Variants in GABRA3 observed in about 807,000 individuals in gnomAD.
The protein encoded by GABRA3 is gamma-aminobutyric acid type A receptor subunit alpha3.
A neutral mutation model predicts 30.1 loss-of-function variants in GABRA3; 10 were observed. The ratio of observed to expected loss-of-function variants is 0.33; its 90% CI spans 0.20 to 0.56. The LOEUF (loss-of-function observed/expected upper bound fraction) is 0.56. Ranked by LOEUF, GABRA3 falls within the 20% of genes least tolerant of loss-of-function variation. The pLI is 0.89. For missense variants in GABRA3, 233 were observed against 392.0 expected, an observed-to-expected ratio of 0.59 and a Z score of 3.42; for synonymous variants, 151 against 146.8, an observed-to-expected ratio of 1.03 and a Z score of -0.21.
chrX:152,267,222 G>A (rs1202372067), intron 4 of GABRA3, among the ~76,000 whole-genome samples: 2 of 111,824 alleles, frequency 1.8e-5, no homozygotes, highest in African/African-American at 6.5e-5. Flanking sequence ...CATCATAAAT[G>A]GATGTTGGAT....
intron 2 of GABRA3, among the ~76,000 whole-genome samples, chrX:152,361,808 G>T (rs766289830): frequency 3.6e-5 from 4 of 110,895 alleles, no homozygotes; most frequent in Non-Finnish European, 7.5e-5. Context: ...ATGACCAAAA[G>T]TCACAAAGAA....
intron 3 of GABRA3, among the ~76,000 whole-genome samples, chrX:152,302,005 G>T (rs1939640097): frequency 9.0e-6 from 1 of 111,353 alleles, no homozygotes; most frequent in Admixed American, 9.6e-5. Context: ...TGTGAAGATT[G>T]TAAGCCCTAT....
At chrX:152,348,633 T>C (rs769618793) in intron 2 of GABRA3, among the ~76,000 whole-genome samples, 2 of 111,338 alleles carry the variant, frequency 1.8e-5, no homozygotes, top group Non-Finnish European at 3.8e-5. Flanking sequence ...CTCTGGGATA[T>C]TGTGAGTTTG....
At chrX:152,230,222 A>G (rs1193919379) in intron 5 of GABRA3, among the ~76,000 whole-genome samples, 1 of 111,850 alleles carries the variant, frequency 8.9e-6, no homozygotes, top group Non-Finnish European at 1.9e-5. Context: ...CTTCAAGAGG[A>G]TAAATTGTAT....
At chrX:152,381,965 G>A (rs1188642860) in intron 1 of GABRA3, among the ~76,000 whole-genome samples, 7 of 111,550 alleles carry the variant, frequency 6.3e-5, no homozygotes, top group Non-Finnish European at 1.1e-4. Flanking sequence ...GGGCATTTGG[G>A]TTGGTTCCAA....
At chrX:152,337,508 C>T (rs1043580717) in intron 3 of GABRA3, among the ~76,000 whole-genome samples, 1 of 110,942 alleles carries the variant, frequency 9.0e-6, no homozygotes, top group African/African-American at 3.3e-5. Context: ...ACCTCCAGTT[C>T]CACCCATGTT....
intron 3 of GABRA3, among the ~76,000 whole-genome samples, chrX:152,326,402 A>G (rs1417741291): frequency 1.8e-5 from 2 of 111,324 alleles, no homozygotes; most frequent in African/African-American, 3.3e-5. Context: ...CACATAATTG[A>G]CAGATTCACC....
intron 1 of GABRA3, among the ~76,000 whole-genome samples, chrX:152,374,284 G>A (rs1037004553): frequency 9.2e-6 from 1 of 108,813 alleles, no homozygotes; most frequent in South Asian, 4.0e-4. Flanking sequence ...TTTTGTTGTG[G>A]AGGAGCTCTT....
intron 2 of GABRA3, among the ~76,000 whole-genome samples, chrX:152,350,715 G>C (rs923177353): frequency 3.6e-5 from 4 of 111,583 alleles, no homozygotes; most frequent in African/African-American, 9.8e-5. Flanking sequence ...CTGATATCCA[G>C]AAAGGTGAAT....
chrX:152,193,991 G>A (rs1294029101), intron 8 of GABRA3, among the ~76,000 whole-genome samples: 1 of 111,720 alleles, frequency 9.0e-6, no homozygotes, highest in African/African-American at 3.3e-5. Flanking sequence ...GGTGAGACCC[G>A]CCTCAAAAAA....
At position 152,315,165 on chromosome X, in the gene GABRA3, G is replaced by A. The variant is rs73623063; in HGVS notation, c.262+30416C>T. 5.6e-3 allele frequency among the ~76,000 whole-genome samples: 617 copies of A among 111,044 alleles called. 6 individuals are homozygous for A. The highest frequency in any genetic ancestry group is 0.02 in the African/African-American group (602 of 30,489). On this transcript the variant is annotated intron_variant, in intron 3 of 9. Transcript: ENST00000370314. Reference sequence around the variant, plus strand: ...CTCCTGCAGGACCCGGGAGACAGCCGGAATACTGTTAGTGCCCAAACTGTG... The same window carrying A: ...CTCCTGCAGGACCCGGGAGACAGCCAGAATACTGTTAGTGCCCAAACTGTG...
At chrX:152,442,785 A>C (rs991161381) in intron 1 of GABRA3, among the ~76,000 whole-genome samples, 8 of 112,251 alleles carry the variant, frequency 7.1e-5, no homozygotes, top group Non-Finnish European at 1.3e-4. Flanking sequence ...GGAATGAATG[A>C]ATTATTCAGT....
chrX:152,236,920 G>T (rs1411850072), intron 5 of GABRA3, among the ~76,000 whole-genome samples: 7 of 104,173 alleles, frequency 6.7e-5, no homozygotes, highest in African/African-American at 2.5e-4. Context: ...AGTAGGTTGC[G>T]AAAATTTTCT....
intron 3 of GABRA3, among the ~76,000 whole-genome samples, chrX:152,336,245 C>T (rs1433455677): frequency 9.1e-6 from 1 of 110,231 alleles, no homozygotes; most frequent in East Asian, 2.9e-4. Context: ...ATAACAATGG[C>T]TCCAGGAGAG....
At chrX:152,175,109 C>T (rs186465649) in intron 9 of GABRA3, among the ~76,000 whole-genome samples, 1 of 111,871 alleles carries the variant, frequency 8.9e-6, no homozygotes, top group East Asian at 2.8e-4. Context: ...TGTAGACATG[C>T]CTGGCTAATT....
At chrX:152,297,507 T>G (rs1014902989) in intron 3 of GABRA3, among the ~76,000 whole-genome samples, 1 of 111,637 alleles carries the variant, frequency 9.0e-6, no homozygotes, top group Non-Finnish European at 1.9e-5. Context: ...AACTCTCCTT[T>G]TGCTTTTTCC....
intron 1 of GABRA3, among the ~76,000 whole-genome samples, chrX:152,420,637 G>A (rs1930350598): frequency 9.0e-6 from 1 of 110,753 alleles, no homozygotes; most frequent in Admixed American, 9.6e-5. Context: ...CAAATTCCAA[G>A]AGGTCCTTTA....
At chrX:152,406,184 C>G (rs1219158312) in intron 1 of GABRA3, among the ~76,000 whole-genome samples, 2 of 110,311 alleles carry the variant, frequency 1.8e-5, no homozygotes, top group African/African-American at 6.6e-5. Context: ...ACCAACAAAA[C>G]AACCAGAAAA....
chrX:152,358,363 G>C (rs1234053676), intron 2 of GABRA3, among the ~76,000 whole-genome samples: 1 of 111,284 alleles, frequency 9.0e-6, no homozygotes, highest in Non-Finnish European at 1.9e-5. Context: ...GGATGTTGTT[G>C]GTGTATGATG....
Sources: gnomAD v4.1 joint callset for allele counts (sites outside exome capture counted in the v4.1 genomes callset) on GRCh38, gnomAD v4.1.1 for gene constraint, MANE v1.5 for transcripts, NCBI Gene and HGNC (gene_info 2026-07-23, HGNC 2026-07-21) for gene names.